The following SNRPN variants were observed in gnomAD, a reference collection of about 807,000 sequenced individuals.
SNRPN encodes small nuclear ribonucleoprotein polypeptide N, also known as small nuclear ribonucleoprotein-associated protein N.
In SNRPN, 7 loss-of-function variants were observed where a neutral mutation model predicts 25.2. That is an observed-to-expected ratio of 0.28 (90% CI 0.16 to 0.52). The LOEUF is 0.52. Among genes scored for constraint, SNRPN ranks in the 20% least tolerant of loss-of-function variants. The probability of loss-of-function intolerance (pLI) is 0.96; values close to 1 mark genes in which losing one functional copy is unlikely to be tolerated. For synonymous variants in SNRPN, 124 were observed against 110.6 expected, an observed-to-expected ratio of 1.12 and a Z score of -0.76; for missense variants, 196 against 322.5, an observed-to-expected ratio of 0.61 and a Z score of 3.00.
chr15:24,909,563 C>T, intron 2 of SNRPN: 1 of 1,410,450 alleles, frequency 7.1e-7, no homozygotes, highest in Non-Finnish European at 9.9e-7. Context: ...AACCTTCACA[C>T]CATATTTTGG....
chr15:24,823,777 G>A (rs1179633251), exon 1 of SNRPN: 2 of 152,170 alleles, frequency 1.3e-5, no homozygotes, highest in African/African-American at 4.8e-5. Context: ...CATAAGAAAG[G>A]CTTTTCTCTA....
chr15:24,852,590 A>G (rs1033299527), upstream of SNRPN, among the ~76,000 whole-genome samples: 1 of 152,220 alleles, frequency 6.6e-6, no homozygotes, highest in African/African-American at 2.4e-5. Context: ...CAAATTAGAA[A>G]ACAAGAAAAA....
chr15:24,904,658 A>AAAAAG (rs139609282), intron 2 of SNRPN, among the ~76,000 whole-genome samples: 12 of 149,198 alleles, frequency 8.0e-5, no homozygotes, highest in Non-Finnish European at 1.6e-4. Context: ...CCCTCTTGGG[A>AAAAAG]AAAAGAAAAG....
chr15:24,837,673 G>A (rs2051333687), intron 2 of SNRPN, among the ~76,000 whole-genome samples: 1 of 150,426 alleles, frequency 6.6e-6, no homozygotes, highest in South Asian at 2.1e-4. Context: ...CCGGCTTGGG[G>A]GGCTACTGAT....
rs565940813 is a variant in SNRPN, at chr15:24,972,505, C to T, written c.-143-1806C>T. On this transcript the variant is annotated intron_variant, in intron 3 of 9. Coordinates refer to ENST00000390687, the MANE Select transcript of SNRPN (RefSeq NM_003097.6). ...TTTTTTAATGTACAGACATCAGATT[C>T]ATGGCCACTGAATGACAGCCAGGCA... is the stretch of plus-strand genomic sequence containing the variant. Among the ~76,000 whole-genome samples the T allele has an allele frequency of 3.9e-4, 58 of 149,394 alleles. No homozygotes were observed. The South Asian group carries it at 6.2e-3, about 16-fold the overall frequency.
At chr15:24,955,202 G>A in intron 1 of SNRPN, 140 bp downstream of exon 1, 2 of 1,175,646 alleles carry the variant, frequency 1.7e-6, no homozygotes, top group Non-Finnish European at 2.5e-6. Flanking sequence ...TGGAGAACCA[G>A]ATCCGGAATG....
At chr15:24,908,337 G>A (rs540105604) in intron 2 of SNRPN, among the ~76,000 whole-genome samples, 5 of 152,130 alleles carry the variant, frequency 3.3e-5, no homozygotes, top group Admixed American at 1.3e-4. Flanking sequence ...GGTAGAGGCT[G>A]GAAGAGTTTG....
intron 2 of SNRPN, among the ~76,000 whole-genome samples, chr15:24,838,885 TG>T (rs2051444364): frequency 1.3e-5 from 2 of 151,968 alleles, no homozygotes; most frequent in Admixed American, 6.6e-5. Context: ...GGGGTCACCT[TG>T]GGGAACACTG....
At chr15:24,930,210 CA>C (rs10554147) in intron 3 of SNRPN, among the ~76,000 whole-genome samples, 8,994 of 93,792 alleles carry the variant, frequency 0.096, 457 homozygotes, top group African/African-American at 0.21. Context: ...CACCACAGTC[CA>C]AAAAAAAAAA....
chr15:24,933,092 T>C (rs1185869525), intron 3 of SNRPN, among the ~76,000 whole-genome samples: 1 of 151,984 alleles, frequency 6.6e-6, no homozygotes, highest in South Asian at 2.1e-4. Context: ...GGAGACCTCT[T>C]CTCTACAAAA....
At chr15:24,850,671 A>G (rs1595457043) in intron 2 of SNRPN, 1 of 152,210 alleles carries the variant, frequency 6.6e-6, no homozygotes, top group East Asian at 1.9e-4. Flanking sequence ...TTCCTTCATC[A>G]AGGGAGCAAA....
intron 2 of SNRPN, among the ~76,000 whole-genome samples, chr15:24,903,402 G>A (rs113312651): frequency 0.011 from 1,618 of 152,232 alleles, 7 homozygotes; most frequent in Non-Finnish European, 0.014. Context: ...AGGCAAAAGC[G>A]TAGAGGGTTT....
At chr15:24,930,751 T>A (rs939333324) in intron 3 of SNRPN, among the ~76,000 whole-genome samples, 5 of 151,838 alleles carry the variant, frequency 3.3e-5, no homozygotes, top group African/African-American at 1.2e-4. Context: ...AATAAAAAAT[T>A]AGCAGGGCAT....
chr15:24,829,058 A>G (rs1404118704), intron 1 of SNRPN, among the ~76,000 whole-genome samples: 1 of 152,130 alleles, frequency 6.6e-6, no homozygotes, highest in African/African-American at 2.4e-5. Flanking sequence ...TGGGAAGCAG[A>G]AAAGAATATA....
intron 1 of SNRPN, among the ~76,000 whole-genome samples, chr15:24,955,707 G>T (rs1380167675): frequency 1.3e-5 from 2 of 150,648 alleles, no homozygotes; most frequent in Non-Finnish European, 3.0e-5. Context: ...TGGTCGCGGC[G>T]CGGGGAGAGT....
At chr15:24,837,074 G>A (rs2051261442) in intron 2 of SNRPN, among the ~76,000 whole-genome samples, 1 of 151,976 alleles carries the variant, frequency 6.6e-6, no homozygotes. Flanking sequence ...CATTGGGGTA[G>A]TATTTCCTGT....
At chr15:24,927,510 TTTTTTTTTA>T (rs2060493784) in intron 3 of SNRPN, among the ~76,000 whole-genome samples, 1 of 111,426 alleles carries the variant, frequency 9.0e-6, no homozygotes, top group Non-Finnish European at 1.9e-5. Flanking sequence ...TTTTTTTTTT[TTTTTTTTTA>T]CTTTTGACCA....
At chr15:24,955,620 G>T (rs896334119) in intron 1 of SNRPN, among the ~76,000 whole-genome samples, 6 of 148,348 alleles carry the variant, frequency 4.0e-5, no homozygotes, top group Non-Finnish European at 7.4e-5. Context: ...GGAATTCGTC[G>T]CAGTGACCGA....
At chr15:24,972,295 T>C (rs1054414358) in intron 3 of SNRPN, among the ~76,000 whole-genome samples, 5 of 151,258 alleles carry the variant, frequency 3.3e-5, no homozygotes, top group African/African-American at 1.2e-4. Context: ...GAGTCTCATA[T>C]ACCATGTTTT....
Sources: allele counts gnomAD v4.1 joint callset (sites outside exome capture counted in the v4.1 genomes callset), GRCh38; gene constraint gnomAD v4.1.1; transcripts MANE v1.5; gene names NCBI Gene and HGNC (gene_info 2026-07-23, HGNC 2026-07-21).